UNC93B1: variants seen among roughly 807,000 people sequenced by gnomAD.
UNC93B1 encodes protein unc-93 homolog B1.
UNC93B1 carries 33 observed loss-of-function variants against 56.8 expected under a neutral mutation model. That is an observed-to-expected ratio of 0.58 (90% CI 0.44 to 0.78). The LOEUF (loss-of-function observed/expected upper bound fraction) is 0.78. UNC93B1 is among the 30% of genes least tolerant of loss of function. The pLI is 0.00. For missense variants in UNC93B1, 673 were observed against 819.5 expected, an observed-to-expected ratio of 0.82 and a Z score of 2.18; for synonymous variants, 334 against 358.6, an observed-to-expected ratio of 0.93 and a Z score of 0.77.
chr11:67,999,940 G>A (rs185379472), intron 3 of UNC93B1, among the ~76,000 whole-genome samples: 143 of 152,368 alleles, frequency 9.4e-4, no homozygotes, highest in Non-Finnish European at 1.8e-3. Flanking sequence ...GATGGAGAGT[G>A]ACCCATGGGT....
At chr11:67,992,489 C>A (rs1409815452) in intron 10 of UNC93B1, among the ~76,000 whole-genome samples, 1 of 152,092 alleles carries the variant, frequency 6.6e-6, no homozygotes, top group Admixed American at 6.5e-5. Context: ...CAGGCACACG[C>A]CACTACGCCC....
rs12660 is a variant in UNC93B1 at position 67,995,753 on chromosome 11, G to A, written c.1221C>T (p.Ala407=). 260,292 of 1,545,990 alleles carry A rather than the reference G, an allele frequency of 0.17. 22,679 individuals carry two copies. Among genetic ancestry groups the A allele is most frequent in the South Asian group, 0.18 (14,773 of 83,884 alleles). Residue 407 remains alanine, a synonymous_variant, in exon 9 of 11, where the codon GCC becomes GCT. Coordinates refer to ENST00000227471, the MANE Select transcript of UNC93B1 (RefSeq NM_030930.4). ...TGAGCAGCAGGTGCACCCCTGCTCC[G>A]GCCACCAGGGGCACCGGGCGTGGCA... ...LWLPRPVPLV[A]GAGVHLLLTF... is the part of the protein sequence containing the mutation.
chr11:67,992,968 C>T (rs1008259644), intron 10 of UNC93B1, among the ~76,000 whole-genome samples: 17 of 151,222 alleles, frequency 1.1e-4, no homozygotes, highest in South Asian at 2.1e-4. Context: ...CAGCCCACTC[C>T]CTGCTATTTT....
intron 9 of UNC93B1, among the ~76,000 whole-genome samples, chr11:67,994,629 C>G (rs1010780647): frequency 2.6e-5 from 4 of 152,124 alleles, no homozygotes; most frequent in Admixed American, 6.5e-5. Context: ...AGACAGGGCA[C>G]AACATGGGTT....
intron 7 of UNC93B1, 104 bp downstream of exon 7, chr11:67,997,571 C>A: frequency 7.0e-6 from 11 of 1,560,382 alleles, no homozygotes; most frequent in Non-Finnish European, 9.5e-6. Flanking sequence ...GAGGCCACAA[C>A]CCGACCCAGG....
intron 3 of UNC93B1, among the ~76,000 whole-genome samples, chr11:68,001,057 G>A (rs917870482): frequency 1.4e-4 from 22 of 152,018 alleles, no homozygotes; most frequent in African/African-American, 5.3e-4. Flanking sequence ...TTAGCTGAGC[G>A]TGGTGGCGGG....
chr11:68,003,926 C>A lies in UNC93B1; in HGVS notation c.96+22G>T. 7.3e-7 allele frequency: 1 copy of A among 1,365,678 alleles called. No homozygotes were observed. Among genetic ancestry groups the A allele is most frequent in the Non-Finnish European group, 9.5e-7 (1 of 1,054,880 alleles). 84.6% of individuals were successfully genotyped at this position (1,365,678 alleles called of 1,614,324 possible). On this transcript the variant is annotated intron_variant, in intron 1 of 10. Transcript: ENST00000227471. The surrounding 1 kb of genome is among the most constrained non-coding windows in gnomAD (Gnocchi z 4.4). ...TGGCCCACAGGGGACGCCCGCGCCT[C>A]GCACTCCGGGTCCCCGCTCACCGGG...
rs1382900360 is a variant in UNC93B1, at chr11:68,003,731, C to T, written c.164G>A (p.Arg55His). The T allele has an allele frequency of 6.6e-7, 1 of 1,526,576 alleles. No individual in the cohort carries two copies. Among genetic ancestry groups the T allele is most frequent in the African/African-American group, 1.4e-5 (1 of 71,026 alleles). The allele number at this position is 1,526,576 out of a possible 1,614,324, so 94.6% of individuals were successfully genotyped here. A position where few individuals can be genotyped will look rare whatever the true frequency, so the allele number is the denominator to read the frequency against. ...GTTCTTGAGCACGCCCAGGCGCTTG[C>T]GGCGGTAGTAGCGGCGCTCCTCCTC... ...EEEEERRYYR[R>H]KRLGVLKNVL... The change falls in exon 2 of 11, where the codon CGC becomes CAC. Residue 55 changes from arginine (R) to histidine (H), a missense_variant. Transcript: ENST00000227471. This position sits in a 1 kb window ranked among gnomAD's most constrained non-coding sequence, Gnocchi z 4.4.
chr11:68,003,629 C>A lies in UNC93B1; in HGVS notation c.238+28G>T. 1 of 1,503,306 alleles carries A rather than the reference C, an allele frequency of 6.7e-7. No homozygotes were observed. The highest frequency in any genetic ancestry group is 8.8e-7 in the Non-Finnish European group (1 of 1,131,772). The allele number at this position is 1,503,306 out of a possible 1,614,324, so 93.1% of individuals were successfully genotyped here. A position where few individuals can be genotyped will look rare whatever the true frequency, so the allele number is the denominator to read the frequency against. On this transcript the variant is annotated intron_variant, in intron 2 of 10. Coordinates refer to ENST00000227471, the MANE Select transcript of UNC93B1 (RefSeq NM_030930.4). The surrounding 1 kb of genome is among the most constrained non-coding windows in gnomAD (Gnocchi z 4.4). ...CGGGCCGGGCTGGGAGCGGGCGGGGCGGCCCCGGGTCCCCGAGCGGCACCT... is the reference window on the plus strand; with the variant it reads ...CGGGCCGGGCTGGGAGCGGGCGGGGAGGCCCCGGGTCCCCGAGCGGCACCT...
rs1438957696 is a variant in UNC93B1 at position 68,003,583 on chromosome 11, C to A, written c.238+74G>T. The A allele has an allele frequency of 3.4e-6, 5 of 1,469,074 alleles. No homozygotes were observed. The African/African-American group carries it at 4.4e-5, about 13-fold the overall frequency. 91.0% of individuals were successfully genotyped at this position (1,469,074 alleles called of 1,614,324 possible). A position where few individuals can be genotyped will look rare whatever the true frequency, so the allele number is the denominator to read the frequency against. On this transcript the variant is annotated intron_variant, in intron 2 of 10. Transcript: ENST00000227471. The surrounding 1 kb of genome is among the most constrained non-coding windows in gnomAD (Gnocchi z 4.4). Reference sequence around the variant, plus strand: ...GGAAGTGAGAGCGGGCGGGAGGCGGCGGCCCGCGGTTTCTGTTTCCCGGGC... The same window carrying A: ...GGAAGTGAGAGCGGGCGGGAGGCGGAGGCCCGCGGTTTCTGTTTCCCGGGC...
At position 68,003,121 on chromosome 11, in the gene UNC93B1, T is replaced by C. The variant is rs1857073532; in HGVS notation, c.293A>G (p.Lys98Arg). Residue 98 changes from lysine (K) to arginine (R), a missense_variant, in exon 3 of 11, where the codon AAG (lysine) becomes AGG (arginine). Lys to Arg is a conservative substitution (Grantham distance 26, BLOSUM62 2). Transcript: ENST00000227471. The surrounding 1 kb of genome is among the most constrained non-coding windows in gnomAD (Gnocchi z 4.4). ...GTCGGGCAGCCCCATGTTGCCATAC[T>C]TCACCTCGCGGTAGGTCTCGTCGTA... is the stretch of plus-strand genomic sequence containing the variant. ...LHYDETYREVKYGNMGLPDID... is the reference protein window; with the variant it reads ...LHYDETYREVRYGNMGLPDID... 6.2e-7 allele frequency: 1 copy of C among 1,613,550 alleles called. No individual in the cohort carries two copies. The highest frequency in any genetic ancestry group is 8.5e-7 in the Non-Finnish European group (1 of 1,179,816).
chr11:67,991,506 C>T lies in UNC93B1; in HGVS notation c.*40G>A. 7.3e-7 allele frequency: 1 copy of T among 1,376,356 alleles called. No individual in the cohort carries two copies. Among genetic ancestry groups the T allele is most frequent in the Non-Finnish European group, 9.3e-7 (1 of 1,070,872 alleles). 85.3% of individuals were successfully genotyped at this position (1,376,356 alleles called of 1,614,324 possible). ...GACCTCAGACGTGGTAAACTGAGGC[C>T]GGCGAGGAGGGAGGCTGAGTCCGGG... On this transcript the variant is annotated 3_prime_UTR_variant, in exon 11 of 11. Coordinates refer to ENST00000227471, the MANE Select transcript of UNC93B1 (RefSeq NM_030930.4).
At position 67,993,725 on chromosome 11, in the gene UNC93B1, T is replaced by C; in HGVS notation, c.1433A>G (p.Gln478Arg). The change falls in exon 10 of 11, where the codon CAG (glutamine) becomes CGG (arginine). Residue 478 changes from glutamine (Q) to arginine (R), a missense_variant. By Grantham distance (43) the Gln-to-Arg change is conservative (BLOSUM62 1). Transcript: ENST00000227471. Reference protein sequence around the residue: ...DFIFTIYHWWQAVAIFTVYLG... With the variant: ...DFIFTIYHWWRAVAIFTVYLG... Reference sequence around the variant, plus strand: ...GTACACGGTGAAGATGGCCACAGCCTGCCACCAGTGGTAGATGGTGAAGAT... The same window carrying C: ...GTACACGGTGAAGATGGCCACAGCCCGCCACCAGTGGTAGATGGTGAAGAT... The C allele has an allele frequency of 7.7e-7, 1 of 1,291,416 alleles. No homozygotes were observed. Among genetic ancestry groups the C allele is most frequent in the Non-Finnish European group, 1.1e-6 (1 of 922,786 alleles). 80.0% of individuals were successfully genotyped at this position (1,291,416 alleles called of 1,614,324 possible).
At chr11:68,001,953 G>C (rs1403606786) in intron 3 of UNC93B1, among the ~76,000 whole-genome samples, 1 of 151,932 alleles carries the variant, frequency 6.6e-6, no homozygotes, top group African/African-American at 2.4e-5. Flanking sequence ...AGACCAGCCT[G>C]GTCAACATAG....
chr11:67,995,703 G>A lies in UNC93B1; in HGVS notation c.1271C>T (p.Pro424Leu). The A allele has an allele frequency of 6.5e-7, 1 of 1,548,518 alleles. No homozygotes were observed. Among genetic ancestry groups the A allele is most frequent in the Non-Finnish European group, 8.7e-7 (1 of 1,146,920 alleles). Reference protein sequence around the residue: ...LLTFILFFWAPVPRVLQHSWI... With the variant: ...LLTFILFFWALVPRVLQHSWI... ...GCTGTGTTGCAGGACCCGAGGCACA[G>A]GGGCCCAGAAAAAGAGGATGAAGGT... The change falls in exon 9 of 11, where the codon CCT becomes CTT. Residue 424 changes from proline to leucine, a missense_variant. Pro to Leu is a moderately conservative substitution (Grantham distance 98, BLOSUM62 -3). Transcript: ENST00000227471.
Position 67,996,750 on chromosome 11 carries a change from G to T in UNC93B1, c.941C>A (p.Thr314Lys). Reference protein sequence around the residue: ...LGLCGAAYRPTEEIDLRSVGW... With the variant: ...LGLCGAAYRPKEEIDLRSVGW... ...CACGCTGCGCAGATCGATCTCCTCC[G>T]TGGGCCGGTAAGCGGCTCCGCACAA... Residue 314 changes from threonine to lysine, a missense_variant, in exon 8 of 11, where the codon ACG becomes AAG. Physicochemically the swap from Thr to Lys is moderately conservative, Grantham distance 78. Around this residue, in one of 3 missense-constraint regions of UNC93B1, gnomAD observed 438 missense variants for 465.9 expected, o/e 0.94. Coordinates refer to ENST00000227471, the MANE Select transcript of UNC93B1 (RefSeq NM_030930.4). 6.4e-7 allele frequency: 1 copy of T among 1,562,576 alleles called. No homozygotes were observed. The highest frequency in any genetic ancestry group is 8.7e-7 in the Non-Finnish European group (1 of 1,153,152).
chr11:67,999,704 G>A (rs1404654766), intron 3 of UNC93B1, 24 bp from the exon 4 acceptor site: 3 of 1,605,308 alleles, frequency 1.9e-6, no homozygotes, highest in Non-Finnish European at 1.7e-6. Flanking sequence ...GAGAGATGCT[G>A]GCACCACAGG....
intron 3 of UNC93B1, among the ~76,000 whole-genome samples, chr11:68,002,343 A>G (rs1421958237): frequency 6.6e-6 from 1 of 152,138 alleles, no homozygotes; most frequent in African/African-American, 2.4e-5. Flanking sequence ...TTATGATTTC[A>G]GTTATTCTAA....
Position 68,000,767 on chromosome 11 carries a change from C to T in UNC93B1, c.393-1087G>A, listed in dbSNP as rs115500412. Among the ~76,000 whole-genome samples, 1,000 of 152,330 alleles carry T rather than the reference C, an allele frequency of 6.6e-3. 11 individuals are homozygous for T. The highest frequency in any genetic ancestry group is 0.023 in the African/African-American group (950 of 41,568). On this transcript the variant is annotated intron_variant, in intron 3 of 10. Coordinates refer to ENST00000227471, the MANE Select transcript of UNC93B1 (RefSeq NM_030930.4). ...GGTGAACATGTGGATTTGAGTCCCT[C>T]TACTGGGGTTCAAGCCTTCAGTCTG...
Sources: allele counts gnomAD v4.1 joint callset (sites outside exome capture counted in the v4.1 genomes callset), GRCh38; gene constraint gnomAD v4.1.1; regional missense constraint gnomAD v4.1.1; non-coding constraint Gnocchi (gnomAD v3.1); transcripts MANE v1.5; gene names NCBI Gene and HGNC (gene_info 2026-07-23, HGNC 2026-07-21).